Variants in SMG5 observed in about 807,000 individuals in gnomAD.
SMG5 encodes SMG5 nonsense mediated mRNA decay factor.
Under a neutral mutation model 122.9 loss-of-function variants are expected in SMG5, and 53 were observed. The observed-to-expected ratio is 0.43, with a 90% CI of 0.35 to 0.54. The LOEUF is 0.54. Ranked by LOEUF, SMG5 falls within the 20% of genes least tolerant of loss-of-function variation. The probability of loss-of-function intolerance (pLI) is 0.01; values close to 1 mark genes in which losing one functional copy is unlikely to be tolerated. For missense variants in SMG5, 1,153 were observed against 1,285.6 expected (o/e 0.90, Z 1.58); for synonymous variants, 477 against 490.2 (o/e 0.97, Z 0.35).
chr1:156,256,310 CTTTTTTTTTTTTT>C (rs533116327), intron 16 of SMG5, among the ~76,000 whole-genome samples: 1 of 86,962 alleles, frequency 1.1e-5, no homozygotes, highest in Non-Finnish European at 2.6e-5. Flanking sequence ...CATCTTCTCT[CTTTTTTTTTTTTT>C]TTTTTTTTTT....
chr1:156,276,782 C>A (rs918522262), intron 4 of SMG5, among the ~76,000 whole-genome samples: 9 of 152,156 alleles, frequency 5.9e-5, no homozygotes, highest in Non-Finnish European at 1.2e-4. Flanking sequence ...ACAGTGCTGG[C>A]CAAATTCAAC....
chr1:156,254,549 T>C (rs1159483376), intron 16 of SMG5, among the ~76,000 whole-genome samples: 1 of 152,116 alleles, frequency 6.6e-6, no homozygotes, highest in Non-Finnish European at 1.5e-5. Context: ...GCTCAAATGA[T>C]CCTCCTGCCT....
At chr1:156,258,961 C>T (rs535355964) in intron 16 of SMG5, 44 bp downstream of exon 16, 395 of 1,608,594 alleles carry the variant, frequency 2.5e-4, no homozygotes, top group Non-Finnish European at 3.2e-4. Flanking sequence ...TCTCAGTGAG[C>T]CCAATGGGAG....
Position 156,253,634 on chromosome 1 carries a change from T to C in SMG5, c.2443-126A>G, listed in dbSNP as rs1661454151. On this transcript the variant is annotated intron_variant, in intron 16 of 21. Coordinates refer to ENST00000361813, the MANE Select transcript of SMG5 (RefSeq NM_015327.3). ...ATGCAAAGTCACTCTCTAGCACTGC[T>C]GCTGAATGAGGGGAGGAGAGGCATG... 28 of 836,932 alleles carry C rather than the reference T, an allele frequency of 3.3e-5. No individual in the cohort carries two copies. In the South Asian group the frequency reaches 3.6e-4, roughly 11 times the overall value. The allele number at this position is 836,932 out of a possible 1,614,324, so 51.8% of individuals were successfully genotyped here. A position where few individuals can be genotyped will look rare whatever the true frequency, so the allele number is the denominator to read the frequency against.
intron 15 of SMG5, 146 bp downstream of exon 15, chr1:156,260,305 A>G: frequency 2.0e-6 from 2 of 985,082 alleles, no homozygotes; most frequent in Non-Finnish European, 3.0e-6. Flanking sequence ...CTGAATGAAG[A>G]AGGAAGCACA....
At chr1:156,290,123 A>G in the SMG5 span, 1 of 152,278 alleles carries the variant, frequency 6.6e-6, no homozygotes, top group Non-Finnish European at 1.5e-5. Flanking sequence ...TTATATTGAT[A>G]TAAAATGATC....
the SMG5 span, chr1:156,291,283 C>G: frequency 9.7e-7 from 1 of 1,027,168 alleles, no homozygotes; most frequent in Non-Finnish European, 1.5e-6. Context: ...TACCCACCAA[C>G]TGCATCTGCC....
chr1:156,261,405 A>C lies in SMG5; in HGVS notation c.2035T>G (p.Ser679Ala), dbSNP rs751425710. 3 of 1,614,068 alleles carry C rather than the reference A, an allele frequency of 1.9e-6. No individual in the cohort carries two copies. Among genetic ancestry groups the C allele is most frequent in the Non-Finnish European group, 2.5e-6 (3 of 1,179,944 alleles). The part of the protein sequence containing the change: ...PDLIIVCAQS[S>A]QSLWNRLSVL... ...GACAGGCGGTTCCACAGACTTTGAGAGCTCTGGGGAGAGAGAAGGGAGAGG... is the reference window on the plus strand; with the variant it reads ...GACAGGCGGTTCCACAGACTTTGAGCGCTCTGGGGAGAGAGAAGGGAGAGG... Residue 679 changes from serine to alanine, a missense_variant, in exon 14 of 22, where the codon TCT becomes GCT. Ser to Ala is a moderately conservative substitution (Grantham distance 99). Around this residue, in one of 5 missense-constraint regions of SMG5, gnomAD observed 631 missense variants for 650.6 expected, o/e 0.97. Transcript: ENST00000361813.
rs1662100345 is a variant in SMG5, at chr1:156,265,839, A to C, written c.1797T>G (p.His599Gln). 1 of 1,614,090 alleles carries C rather than the reference A, an allele frequency of 6.2e-7. No individual in the cohort carries two copies. Among genetic ancestry groups the C allele is most frequent in the Admixed American group, 1.7e-5 (1 of 60,012 alleles). Residue 599 changes from histidine (H) to glutamine (Q), a missense_variant, in exon 12 of 22, where the codon CAT becomes CAG. His to Gln is a conservative substitution (Grantham distance 24). This residue lies in a region of SMG5 where 631 missense variants were observed against 650.6 expected (regional missense o/e 0.97). Coordinates refer to ENST00000361813, the MANE Select transcript of SMG5 (RefSeq NM_015327.3). ...CGCAAGGCCTGTGGCTGGCCGAGGTATGAGGGTTGGTGGTGGGCTGGAGGA... is the reference window on the plus strand; with the variant it reads ...CGCAAGGCCTGTGGCTGGCCGAGGTCTGAGGGTTGGTGGTGGGCTGGAGGA... Reference protein sequence around the residue: ...NLLLQPTTNPHTSASHRPCVN... With the variant: ...NLLLQPTTNPQTSASHRPCVN...
upstream of SMG5, chr1:156,284,239 C>T (rs1163959232): frequency 6.6e-6 from 1 of 152,226 alleles, no homozygotes; most frequent in Admixed American, 6.5e-5. Flanking sequence ...CAGGGCGGGG[C>T]CTGCCCCTTT....
intron 7 of SMG5, among the ~76,000 whole-genome samples, chr1:156,268,969 A>C (rs1662278099): frequency 7.0e-6 from 1 of 142,936 alleles, no homozygotes; most frequent in Non-Finnish European, 1.5e-5. Flanking sequence ...TCCCCAATCC[A>C]ACTCTTTTTT....
Position 156,277,091 on chromosome 1 carries a change from G to C in SMG5, c.448C>G (p.Leu150Val). The change falls in exon 4 of 22, where the codon CTC (leucine) becomes GTC (valine). Residue 150 changes from leucine (L) to valine (V), a missense_variant. Around this residue, in one of 5 missense-constraint regions of SMG5, gnomAD observed 213 missense variants for 197.5 expected, o/e 1.08. Transcript: ENST00000361813. ...CIDWTHVTDP[L>V]IGCKKPVSAS... The stretch of plus-strand genomic sequence containing the variant: ...CCTTTCAGGTTCCACTGACCTATGA[G>C]GGGGTCAGTGACATGGGTCCAGTCG... 1 of 1,613,328 alleles carries C rather than the reference G, an allele frequency of 6.2e-7. No homozygotes were observed.
chr1:156,283,300 C>T (rs1663053051), upstream of SMG5, among the ~76,000 whole-genome samples: 1 of 152,222 alleles, frequency 6.6e-6, no homozygotes, highest in Admixed American at 6.5e-5. Flanking sequence ...ATGACTTGTA[C>T]AAGCGTCTCG....
chr1:156,274,884 G>A (rs1662611162), intron 4 of SMG5, among the ~76,000 whole-genome samples, 198 bp from the exon 5 acceptor site: 1 of 152,148 alleles, frequency 6.6e-6, no homozygotes, highest in African/African-American at 2.4e-5. Flanking sequence ...GGGACTCAGA[G>A]ACTTATAGGC....
intron 7 of SMG5, among the ~76,000 whole-genome samples, chr1:156,272,074 C>T (rs1662461746): frequency 6.6e-6 from 1 of 152,128 alleles, no homozygotes; most frequent in African/African-American, 2.4e-5. Context: ...TTCAAGAAAA[C>T]AGCAATCTTG....
chr1:156,290,823 TG>T, the SMG5 span: 1 of 141,996 alleles, frequency 7.0e-6, no homozygotes, highest in East Asian at 2.0e-4. Context: ...AGAGAGACTC[TG>T]TCTCAAAAAT....
chr1:156,267,476 T>C lies in SMG5; in HGVS notation c.1111A>G (p.Arg371Gly). Reference sequence around the variant, plus strand: ...GGAACATAGGGAAGGTTACCTGCTCTCTCCAAGCTGTGCACACACATAAGG... The same window carrying C: ...GGAACATAGGGAAGGTTACCTGCTCCCTCCAAGCTGTGCACACACATAAGG... The part of the protein sequence containing the change: ...ICLMCVHSLE[R>G]AGSKQYSAAI... Residue 371 changes from arginine to glycine, a missense_variant, in exon 10 of 22, where the codon AGA (arginine) becomes GGA (glycine). By Grantham distance (125) the Arg-to-Gly change is moderately radical. This residue lies in a region of SMG5 where 631 missense variants were observed against 650.6 expected (regional missense o/e 0.97). Coordinates refer to ENST00000361813, the MANE Select transcript of SMG5 (RefSeq NM_015327.3). 1 of 1,613,956 alleles carries C rather than the reference T, an allele frequency of 6.2e-7. No individual in the cohort carries two copies. Among genetic ancestry groups the C allele is most frequent in the Non-Finnish European group, 8.5e-7 (1 of 1,179,932 alleles).
chr1:156,268,222 C>T (rs1443615559), intron 8 of SMG5, 39 bp from the exon 9 acceptor site: 1 of 1,614,010 alleles, frequency 6.2e-7, no homozygotes, highest in Non-Finnish European at 8.5e-7. Flanking sequence ...CTGAATGGTC[C>T]CGCAGTCCCT....
Position 156,278,018 on chromosome 1 carries a change from G to A in SMG5, c.204C>T (p.Phe68=), listed in dbSNP as rs1326133969. Residue 68 remains phenylalanine (F), a synonymous_variant, in exon 3 of 22, where the codon TTC becomes TTT. Coordinates refer to ENST00000361813, the MANE Select transcript of SMG5 (RefSeq NM_015327.3). ...KLRELCVKLM[F]LHPVDYGRKA... Reference sequence around the variant, plus strand: ...TTCTCCCATAGTCCACTGGGTGCAGGAACATAAGCTTGACGCAGAGCTCAC... The same window carrying A: ...TTCTCCCATAGTCCACTGGGTGCAGAAACATAAGCTTGACGCAGAGCTCAC... 4.3e-6 allele frequency: 7 copies of A among 1,614,124 alleles called. No individual in the cohort carries two copies. The highest frequency in any genetic ancestry group is 5.9e-6 in the Non-Finnish European group (7 of 1,180,000).
Sources: gnomAD v4.1 joint callset for allele counts (sites outside exome capture counted in the v4.1 genomes callset) on GRCh38, gnomAD v4.1.1 for gene constraint, gnomAD v4.1.1 regional missense constraint, MANE v1.5 for transcripts, NCBI Gene and HGNC (gene_info 2026-07-23, HGNC 2026-07-21) for gene names.